POLRMT: variants seen among roughly 807,000 people sequenced by gnomAD.
POLRMT encodes RNA polymerase mitochondrial, also known as DNA-directed RNA polymerase, mitochondrial.
In POLRMT, 114 loss-of-function variants were observed where a neutral mutation model predicts 132.2. The observed-to-expected ratio is 0.86, with a 90% CI of 0.74 to 1.01. POLRMT has a LOEUF of 1.01. Ranked by LOEUF, POLRMT falls within the 50% of genes least tolerant of loss-of-function variation. The probability of loss-of-function intolerance (pLI) is 0.00; values close to 1 mark genes in which losing one functional copy is unlikely to be tolerated. For missense variants in POLRMT, 2,003 were observed against 1,729.1 expected (o/e 1.16, Z -2.81); for synonymous variants, 1,020 against 773.4 (o/e 1.32, Z -5.29).
rs557139880 is a variant in POLRMT at position 633,009 on chromosome 19, G to T, written c.89-71C>A. 14 of 1,061,686 alleles carry T rather than the reference G, an allele frequency of 1.3e-5. No individual in the cohort carries two copies. The African/African-American group carries it at 1.8e-4, about 14-fold the overall frequency. 65.8% of individuals were successfully genotyped at this position (1,061,686 alleles called of 1,614,324 possible). A position where few individuals can be genotyped will look rare whatever the true frequency, so the allele number is the denominator to read the frequency against. On this transcript the variant is annotated intron_variant, in intron 1 of 20. Transcript: ENST00000588649. Reference sequence around the variant, plus strand: ...GGGGGCCTCCATAAAGGCAGAAGCCGAAGGGTCGAAGGGCAAAGGAGCCCT... The same window carrying T: ...GGGGGCCTCCATAAAGGCAGAAGCCTAAGGGTCGAAGGGCAAAGGAGCCCT...
intron 3 of POLRMT, among the ~76,000 whole-genome samples, chr19:628,060 G>C (rs1417732041): frequency 1.3e-5 from 2 of 152,176 alleles, no homozygotes; most frequent in African/African-American, 4.8e-5. Context: ...AGCTGCTCGG[G>C]AGGCTGAGCT....
At chr19:632,538 G>T in intron 2 of POLRMT, among the ~76,000 whole-genome samples, 1 of 131,152 alleles carries the variant, frequency 7.6e-6, no homozygotes, top group East Asian at 2.2e-4. Flanking sequence ...GGCGGGGCCG[G>T]GGGGGGGGTC....
chr19:626,898 C>CACACACATATAT (rs371959370), intron 3 of POLRMT, among the ~76,000 whole-genome samples: 10 of 146,732 alleles, frequency 6.8e-5, no homozygotes, highest in African/African-American at 2.3e-4. Context: ...CACACACACA[C>CACACACATATAT]ATATATATAT....
At chr19:625,467 C>G in intron 3 of POLRMT, 1 of 562,822 alleles carries the variant, frequency 1.8e-6, no homozygotes, top group Non-Finnish European at 3.0e-6. Flanking sequence ...CCAGGTGGGA[C>G]TGTGGGAGGT....
intron 1 of POLRMT, 65 bp downstream of exon 1, chr19:633,360 C>T (rs979293978): frequency 2.1e-6 from 3 of 1,401,696 alleles, no homozygotes; most frequent in Non-Finnish European, 2.8e-6. Flanking sequence ...CCAAAGGCCC[C>T]GGCCGCGCGG....
At position 618,206 on chromosome 19, in the gene POLRMT, T is replaced by TG. The variant is rs1462013457; in HGVS notation, c.3422+281dup. ...AGATTCTGCTGGAACGACCTCCACGTGCTCCAGATCTAACCACACATCGCG... is the reference window on the plus strand; with the variant it reads ...AGATTCTGCTGGAACGACCTCCACGTGGCTCCAGATCTAACCACACATCGCG... On this transcript the variant is annotated intron_variant, in intron 17 of 20. Transcript: ENST00000588649. The TG allele has an allele frequency of 2.0e-4, 110 of 548,074 alleles. No homozygotes were observed. In the East Asian group the frequency reaches 2.9e-3, roughly 14 times the overall value. 34.0% of individuals were successfully genotyped at this position (548,074 alleles called of 1,614,324 possible).
chr19:618,975 AG>A (rs2144578476), intron 15 of POLRMT, 21 bp downstream of exon 15: 2 of 1,527,180 alleles, frequency 1.3e-6, no homozygotes, highest in East Asian at 4.6e-5. Flanking sequence ...CACACTGGGG[AG>A]GGATGGGGTG....
chr19:619,060 C>T lies in POLRMT; in HGVS notation c.3204G>A (p.Val1068=), dbSNP rs368106974. 1.1e-4 allele frequency: 173 copies of T among 1,609,052 alleles called. No homozygotes were observed. The highest frequency in any genetic ancestry group is 1.7e-4 in the Middle Eastern group (1 of 5,934). Residue 1068 remains valine, a synonymous_variant, in exon 15 of 21, where the codon GTG becomes GTA. Transcript: ENST00000588649. ...GGACGCCCAGGGGTGTGACCCACTC[C>T]ACCACAGAGCCCATGTGGGAGATGA... ...ARLISHMGSV[V]EWVTPLGVPV...
chr19:624,267 T>C (rs1480818002), intron 5 of POLRMT, among the ~76,000 whole-genome samples: 1 of 151,848 alleles, frequency 6.6e-6, no homozygotes, highest in East Asian at 1.9e-4. Context: ...AGCAGACTCA[T>C]CCACAGATGG....
intron 5 of POLRMT, among the ~76,000 whole-genome samples, chr19:623,972 TAAC>T (rs973918845): frequency 3.3e-5 from 5 of 152,150 alleles, no homozygotes; most frequent in East Asian, 1.9e-4. Context: ...GAATTAAAAA[TAAC>T]AACTAAAGCC....
chr19:621,439 G>T lies in POLRMT; in HGVS notation c.2259C>A (p.Ala753=). The change falls in exon 10 of 21, where the codon GCC becomes GCA. Residue 753 remains alanine (A), a synonymous_variant. Transcript: ENST00000588649. The part of the protein sequence containing the change: ...EAHLPHSAAP[A]RKAELRRELA... ...GCTCACGGCGCAGCTCGGCCTTGCG[G>T]GCGGGCGCGGCGCTGTGCGGCAGGT... 6.9e-7 allele frequency: 1 copy of T among 1,440,338 alleles called. No individual in the cohort carries two copies. Among genetic ancestry groups the T allele is most frequent in the Non-Finnish European group, 9.1e-7 (1 of 1,101,834 alleles). The allele number at this position is 1,440,338 out of a possible 1,614,324, so 89.2% of individuals were successfully genotyped here.
At chr19:632,782 G>A (rs1985518006) in intron 2 of POLRMT, 52 bp downstream of exon 2, 17 of 1,437,674 alleles carry the variant, frequency 1.2e-5, no homozygotes, top group South Asian at 5.1e-5. Context: ...TTTTCTCCCG[G>A]CAGCAGGGAG....
rs1327164381 is a variant in POLRMT at position 633,528 on chromosome 19, A to C, written c.-16T>G. The C allele has an allele frequency of 1.4e-6, 1 of 707,532 alleles. No homozygotes were observed. Among genetic ancestry groups the C allele is most frequent in the East Asian group, 4.2e-5 (1 of 24,060 alleles). 43.8% of individuals were successfully genotyped at this position (707,532 alleles called of 1,614,324 possible). On this transcript the variant is annotated 5_prime_UTR_variant, in exon 1 of 21. Coordinates refer to ENST00000588649, the MANE Select transcript of POLRMT (RefSeq NM_005035.4). ...GTGCCGACATTACGCACGCCGCTCC[A>C]GGCCACCCCACCGGCCCGCGCCTGC...
At position 619,405 on chromosome 19, in the gene POLRMT, G is replaced by A. The variant is rs1600558763; in HGVS notation, c.3067-109C>T. ...CCCAAGGCCTAGGGCCTAGCAGGGG[G>A]GCAGGGGAATGGGGCCTGGCGCCCA... On this transcript the variant is annotated intron_variant, in intron 13 of 20. Coordinates refer to ENST00000588649, the MANE Select transcript of POLRMT (RefSeq NM_005035.4). 14 of 1,408,788 alleles carry A rather than the reference G, an allele frequency of 9.9e-6. No individual in the cohort carries two copies. The East Asian group carries it at 1.8e-4, about 18-fold the overall frequency. 87.3% of individuals were successfully genotyped at this position (1,408,788 alleles called of 1,614,324 possible).
rs1467442217 is a variant in POLRMT, at chr19:620,631, G to A, written c.2641-144C>T. On this transcript the variant is annotated intron_variant, in intron 10 of 20. Coordinates refer to ENST00000588649, the MANE Select transcript of POLRMT (RefSeq NM_005035.4). ...CGGGACGCATGTGGGCGAGAGACGG[G>A]GCGGTGGCTGGATGAGTTCTCCATA... 9.1e-6 allele frequency: 10 copies of A among 1,095,230 alleles called. No homozygotes were observed. The Admixed American group carries it at 9.7e-5, about 11-fold the overall frequency. The allele number at this position is 1,095,230 out of a possible 1,614,324, so 67.8% of individuals were successfully genotyped here.
At position 622,904 on chromosome 19, in the gene POLRMT, G is replaced by A; in HGVS notation, c.1372C>T (p.Arg458Cys). ...ALRETKNRLE[R>C]EVYEGRFSLY... ...GAGAACCGGCCCTCGTACACCTCGC[G>A]CTCTAGGCGGTTCTTGGTCTCCCGC... The change falls in exon 7 of 21, where the codon CGC becomes TGC. Residue 458 changes from arginine (R) to cysteine (C), a missense_variant. Arg to Cys is a radical substitution (Grantham distance 180). Transcript: ENST00000588649. The A allele has an allele frequency of 1.2e-6, 2 of 1,612,460 alleles. No individual in the cohort carries two copies. The highest frequency in any genetic ancestry group is 1.3e-5 in the African/African-American group (1 of 75,038).
chr19:622,777 TGCCCGCCCCGCCCGGGG>T (rs1984722118), intron 7 of POLRMT, 25 bp from the exon 8 acceptor site: 1 of 1,558,008 alleles, frequency 6.4e-7, no homozygotes, highest in Non-Finnish European at 8.7e-7. Context: ...CGTGAGTGCC[TGCCCGCCCCGCCCGGGG>T]ACCCGGCCGC....
In POLRMT at chr19:619,674, G is replaced by T; in HGVS notation, c.2978C>A (p.Thr993Lys). ...GACCCCGTACACCACCGTCATCACC[G>T]TCTGCTTCACCACCTTGCGGGTGAT... ...GFITRKVVKQ[T>K]VMTVVYGVTR... The change falls in exon 13 of 21, where the codon ACG becomes AAG. Residue 993 changes from threonine (T) to lysine (K), a missense_variant. Transcript: ENST00000588649. 1.2e-6 allele frequency: 2 copies of T among 1,610,442 alleles called. No individual in the cohort carries two copies. The highest frequency in any genetic ancestry group is 1.7e-6 in the Non-Finnish European group (2 of 1,179,442).
rs56163887 is a variant in POLRMT at position 618,471 on chromosome 19, C to A, written c.3422+17G>T. On this transcript the variant is annotated intron_variant, in intron 17 of 20. Coordinates refer to ENST00000588649, the MANE Select transcript of POLRMT (RefSeq NM_005035.4). ...CCTGGGAGGCGAGCGGCACCCACGC[C>A]GTCCGGAGACGCCCACCTGTAGCAG... The A allele has an allele frequency of 3.2e-6, 5 of 1,570,988 alleles. No individual in the cohort carries two copies. Among genetic ancestry groups the A allele is most frequent in the South Asian group, 1.1e-5 (1 of 88,012 alleles).
Sources: gnomAD v4.1 joint callset for allele counts (sites outside exome capture counted in the v4.1 genomes callset) on GRCh38, gnomAD v4.1.1 for gene constraint, MANE v1.5 for transcripts, NCBI Gene and HGNC (gene_info 2026-07-23, HGNC 2026-07-21) for gene names.